The following DPP9 variants were observed in gnomAD, a reference collection of about 807,000 sequenced individuals.
DPP9 encodes dipeptidyl peptidase 9.
A neutral mutation model predicts 110.7 loss-of-function variants in DPP9; 50 were observed. The ratio of observed to expected loss-of-function variants is 0.45; its 90% CI spans 0.36 to 0.57. The LOEUF (loss-of-function observed/expected upper bound fraction) is 0.57, where lower values mean the gene tolerates loss of function less well. Ranked by LOEUF, DPP9 falls within the 20% of genes least tolerant of loss-of-function variation. The pLI, the probability that DPP9 is intolerant of heterozygous loss-of-function variation, is 0.00. For missense variants in DPP9, 1,022 were observed against 1,217.9 expected, an observed-to-expected ratio of 0.84 and a Z score of 2.39; for synonymous variants, 561 against 514.4, an observed-to-expected ratio of 1.09 and a Z score of -1.23.
At chr19:4,720,045 C>CG (rs936947879) in intron 2 of DPP9, 104 bp from the exon 3 acceptor site, 44 of 1,014,356 alleles carry the variant, frequency 4.3e-5, no homozygotes, top group African/African-American at 2.7e-4. Context: ...AGGCAGCCCC[C>CG]CAAGCCTCCG....
Position 4,688,867 on chromosome 19 carries a change from T to C in DPP9, c.1775A>G (p.Tyr592Cys). ...GCAGGGCGGCGTGCTCACGCTGCTGTAGTGGCTGACGAACATGTCGAAGTT... is the reference window on the plus strand; with the variant it reads ...GCAGGGCGGCGTGCTCACGCTGCTGCAGTGGCTGACGAACATGTCGAAGTT... ...SQNFDMFVSH[Y>C]SSVSTPPCVH... is the part of the protein sequence containing the mutation. The change falls in exon 16 of 22, where the codon TAC becomes TGC. Residue 592 changes from tyrosine (Y) to cysteine (C), a missense_variant. Physicochemically the swap from Tyr to Cys is radical, Grantham distance 194. Coordinates refer to ENST00000262960, the MANE Select transcript of DPP9 (RefSeq NM_139159.5). The C allele has an allele frequency of 2.0e-6, 3 of 1,523,198 alleles. No individual in the cohort carries two copies. Among genetic ancestry groups the C allele is most frequent in the Non-Finnish European group, 1.7e-6 (2 of 1,149,106 alleles). The allele number at this position is 1,523,198 out of a possible 1,614,324, so 94.4% of individuals were successfully genotyped here. A position where few individuals can be genotyped will look rare whatever the true frequency, so the allele number is the denominator to read the frequency against.
rs1396862424 is a variant in DPP9 at position 4,718,901 on chromosome 19, C to A, written c.56+950G>T. Among the ~76,000 whole-genome samples, 1 of 152,134 alleles carries A rather than the reference C, an allele frequency of 6.6e-6. No individual in the cohort carries two copies. Among genetic ancestry groups the A allele is most frequent in the Non-Finnish European group, 1.5e-5 (1 of 68,038 alleles). On this transcript the variant is annotated intron_variant, in intron 3 of 21. Coordinates refer to ENST00000262960, the MANE Select transcript of DPP9 (RefSeq NM_139159.5). The surrounding 1 kb of genome is among the most constrained non-coding windows in gnomAD (Gnocchi z 4.3). ...GAATACTGAGAAAGGTTCGCAGGGT[C>A]GAGGAATTCCTACCGCCTTTTCATC...
rs528919448 is a variant in DPP9, at chr19:4,684,880, G to A, written c.2032-71C>T. The A allele has an allele frequency of 1.2e-5, 19 of 1,545,372 alleles. No homozygotes were observed. The highest frequency in any genetic ancestry group is 3.9e-5 in the Admixed American group (2 of 51,150). On this transcript the variant is annotated intron_variant, in intron 17 of 21. Coordinates refer to ENST00000262960, the MANE Select transcript of DPP9 (RefSeq NM_139159.5). The surrounding 1 kb of genome is among the most constrained non-coding windows in gnomAD (Gnocchi z 4.8). ...GGACGGGCCTGGCAGGGGAGATGCC[G>A]GTGGGCTGGGGACCGGGCCGGGCTG...
In DPP9 at chr19:4,714,085, G is replaced by A. The variant is rs1318375799; in HGVS notation, c.309C>T (p.Tyr103=). 6.2e-7 allele frequency: 1 copy of A among 1,611,384 alleles called. No individual in the cohort carries two copies. Residue 103 remains tyrosine (Y), a synonymous_variant, in exon 4 of 22, where the codon TAC becomes TAT. Coordinates refer to ENST00000262960, the MANE Select transcript of DPP9 (RefSeq NM_139159.5). The part of the protein sequence containing the change: ...ESGPHSHRLY[Y]LGMPYGSREN... Reference sequence around the variant, plus strand: ...AGCCTGCAGGGCCCGGCTTACCCAGGTAGTAGAGGCGGTGGGAGTGGGGCC... The same window carrying A: ...AGCCTGCAGGGCCCGGCTTACCCAGATAGTAGAGGCGGTGGGAGTGGGGCC...
At position 4,713,375 on chromosome 19, in the gene DPP9, C is replaced by A. The variant is rs139518006; in HGVS notation, c.313+706G>T. Among the ~76,000 whole-genome samples the A allele has an allele frequency of 9.1e-3, 1,393 of 152,362 alleles. 52 individuals carry two copies. The highest frequency in any genetic ancestry group is 0.031 in the East Asian group (159 of 5,178). On this transcript the variant is annotated intron_variant, in intron 4 of 21. Transcript: ENST00000262960. ...GCCAGGCCCACAGTGGCTGCAGAAGCTGCTGGAGGACATGCAGCCTAACCC... is the reference window on the plus strand; with the variant it reads ...GCCAGGCCCACAGTGGCTGCAGAAGATGCTGGAGGACATGCAGCCTAACCC...
intron 21 of DPP9, among the ~76,000 whole-genome samples, chr19:4,678,846 G>C (rs2089304885): frequency 6.6e-6 from 1 of 151,964 alleles, no homozygotes. Context: ...GATACCTCCT[G>C]AATCTCCCGC....
rs1424047386 is a variant in DPP9 at position 4,687,707 on chromosome 19, T to C, written c.1885+1050A>G. On this transcript the variant is annotated intron_variant, in intron 16 of 21. Coordinates refer to ENST00000262960, the MANE Select transcript of DPP9 (RefSeq NM_139159.5). This position sits in a 1 kb window ranked among gnomAD's most constrained non-coding sequence, Gnocchi z 4.7. ...CAGGACTGCAGGGTCCTGGAGAAGG[T>C]GAGTGGAAAGCCTGATAACCACGGC... Among the ~76,000 whole-genome samples the C allele has an allele frequency of 6.6e-6, 1 of 152,110 alleles. No individual in the cohort carries two copies. Among genetic ancestry groups the C allele is most frequent in the East Asian group, 1.9e-4 (1 of 5,172 alleles).
chr19:4,703,817 G>A (rs911081708), intron 7 of DPP9, 69 bp downstream of exon 7: 13 of 1,502,798 alleles, frequency 8.7e-6, no homozygotes, highest in African/African-American at 2.8e-5. Context: ...TGGCTGTGGG[G>A]GCAATGGGGC....
Position 4,718,755 on chromosome 19 carries a change from C to T in DPP9, c.56+1096G>A, listed in dbSNP as rs1052994734. On this transcript the variant is annotated intron_variant, in intron 3 of 21. Coordinates refer to ENST00000262960, the MANE Select transcript of DPP9 (RefSeq NM_139159.5). This position sits in a 1 kb window ranked among gnomAD's most constrained non-coding sequence, Gnocchi z 4.3. ...CGCTGGGACCACCCGGTTTTAGAGC[C>T]CATGGCTGGGCCAATCATAGCCCTT... Among the ~76,000 whole-genome samples the T allele has an allele frequency of 2.0e-5, 3 of 152,228 alleles. No homozygotes were observed. Among genetic ancestry groups the T allele is most frequent in the Non-Finnish European group, 4.4e-5 (3 of 68,040 alleles).
chr19:4,681,962 C>T (rs1392945043), intron 20 of DPP9, among the ~76,000 whole-genome samples: 1 of 151,552 alleles, frequency 6.6e-6, no homozygotes, highest in Non-Finnish European at 1.5e-5. Flanking sequence ...CATTCTCCTG[C>T]CTCAGCCTCC....
In DPP9 at chr19:4,710,789, G is replaced by A. The variant is rs970324135; in HGVS notation, c.313+3292C>T. 9.2e-5 allele frequency among the ~76,000 whole-genome samples: 14 copies of A among 152,140 alleles called. No individual in the cohort carries two copies. Among genetic ancestry groups the A allele is most frequent in the African/African-American group, 2.9e-4 (12 of 41,438 alleles). ...AGTGCTGCCCCTGACAGTGTGAAGT[G>A]ACAGCCTGGAGTCGTTGAAGGGTGA... On this transcript the variant is annotated intron_variant, in intron 4 of 21. Coordinates refer to ENST00000262960, the MANE Select transcript of DPP9 (RefSeq NM_139159.5). The surrounding 1 kb of genome is among the most constrained non-coding windows in gnomAD (Gnocchi z 5.6).
At chr19:4,707,561 G>A (rs374912688) in intron 4 of DPP9, among the ~76,000 whole-genome samples, 5 of 149,726 alleles carry the variant, frequency 3.3e-5, no homozygotes, top group African/African-American at 9.9e-5. Context: ...TCTCCAGGAC[G>A]AAGCCTCGGA....
At chr19:4,691,593 G>C (rs1217789496) in intron 13 of DPP9, among the ~76,000 whole-genome samples, 1 of 152,020 alleles carries the variant, frequency 6.6e-6, no homozygotes, top group Admixed American at 6.6e-5. Context: ...GGCACGGGAA[G>C]GGGGGCGGGG....
At chr19:4,713,583 C>T (rs2092934414) in intron 4 of DPP9, among the ~76,000 whole-genome samples, 1 of 152,216 alleles carries the variant, frequency 6.6e-6, no homozygotes, top group Non-Finnish European at 1.5e-5. Context: ...CCAGGTTCTG[C>T]CATCCGGGCG....
rs2088814277 is a variant in DPP9 at position 4,676,178 on chromosome 19, A to G, written c.*386T>C. ...GCAATTGCATGCTTGGGTGCTGGGG[A>G]CGGTGGCTGGCCGGGCCAGGGGACT... On this transcript the variant is annotated 3_prime_UTR_variant, in exon 22 of 22. Coordinates refer to ENST00000262960, the MANE Select transcript of DPP9 (RefSeq NM_139159.5). The surrounding 1 kb of genome is among the most constrained non-coding windows in gnomAD (Gnocchi z 4.0). The G allele has an allele frequency of 9.3e-6, 2 of 214,204 alleles. No homozygotes were observed. Among genetic ancestry groups the G allele is most frequent in the South Asian group, 9.3e-5 (1 of 10,726 alleles). The allele number at this position is 214,204 out of a possible 1,614,324, so 13.3% of individuals were successfully genotyped here.
chr19:4,705,633 C>T (rs147296857), intron 5 of DPP9, among the ~76,000 whole-genome samples: 5 of 152,346 alleles, frequency 3.3e-5, no homozygotes, highest in South Asian at 4.1e-4. Flanking sequence ...TTGGTGATGC[C>T]GTTAAAAGGA....
In DPP9 at chr19:4,719,823, G is replaced by A. The variant is rs565357949; in HGVS notation, c.56+28C>T. The A allele has an allele frequency of 3.1e-5, 48 of 1,551,488 alleles. 1 individual carries two copies. The African/African-American group carries it at 3.8e-4, about 12-fold the overall frequency. ...TCCAGAAGCTGGGCCACATCCTCACGGATCAGGGCCTCCGAGGCCAACCTC... is the reference window on the plus strand; with the variant it reads ...TCCAGAAGCTGGGCCACATCCTCACAGATCAGGGCCTCCGAGGCCAACCTC... On this transcript the variant is annotated intron_variant, in intron 3 of 21. Coordinates refer to ENST00000262960, the MANE Select transcript of DPP9 (RefSeq NM_139159.5).
intron 13 of DPP9, among the ~76,000 whole-genome samples, 179 bp from the exon 14 acceptor site, chr19:4,691,136 C>T (rs1442588219): frequency 1.3e-5 from 2 of 152,156 alleles, no homozygotes; most frequent in Admixed American, 1.3e-4. Flanking sequence ...GGCAAGGAAG[C>T]CTGCGGGGCC....
rs771075990 is a variant in DPP9, at chr19:4,703,923, C to T, written c.732G>A (p.Glu244=). 1 of 1,612,430 alleles carries T rather than the reference C, an allele frequency of 6.2e-7. No individual in the cohort carries two copies. Among genetic ancestry groups the T allele is most frequent in the Non-Finnish European group, 8.5e-7 (1 of 1,179,330 alleles). ...AGGTCAGCCGCCGCTCCTCGCCTGT[C>T]TCGATGTTGGCCACCCACAGGTCGC... The part of the protein sequence containing the change: ...NNSDLWVANI[E]TGEERRLTFC... Residue 244 remains glutamate (E), a synonymous_variant, in exon 7 of 22, where the codon GAG becomes GAA. Coordinates refer to ENST00000262960, the MANE Select transcript of DPP9 (RefSeq NM_139159.5).
Sources: gnomAD v4.1 joint callset for allele counts (sites outside exome capture counted in the v4.1 genomes callset) on GRCh38, gnomAD v4.1.1 for gene constraint, Gnocchi (gnomAD v3.1) non-coding constraint, MANE v1.5 for transcripts, NCBI Gene and HGNC (gene_info 2026-07-23, HGNC 2026-07-21) for gene names.